SPEF2: variants seen among roughly 807,000 people sequenced by gnomAD.
The protein encoded by SPEF2 is sperm flagella and cilia-associated protein 2.
Under a neutral mutation model 224.6 loss-of-function variants are expected in SPEF2, and 187 were observed. The observed-to-expected ratio is 0.83, with a 90% CI of 0.74 to 0.94. SPEF2 has a LOEUF of 0.94. Ranked by LOEUF, SPEF2 falls within the 40% of genes least tolerant of loss-of-function variation. The probability of loss-of-function intolerance (pLI) is 0.00; values close to 1 mark genes in which losing one functional copy is unlikely to be tolerated. For missense variants in SPEF2, 2,170 were observed against 2,135.6 expected (o/e 1.02, Z -0.32); for synonymous variants, 715 against 707.3 (o/e 1.01, Z -0.17).
intron 21 of SPEF2, among the ~76,000 whole-genome samples, chr5:35,739,169 A>G (rs1747153427): frequency 6.6e-6 from 1 of 152,162 alleles, no homozygotes; most frequent in African/African-American, 2.4e-5. Context: ...TATTTTTCAT[A>G]AACTTTTTGA....
At chr5:35,625,890 G>A (rs1744170836) in intron 1 of SPEF2, among the ~76,000 whole-genome samples, 1 of 152,160 alleles carries the variant, frequency 6.6e-6, no homozygotes, top group Admixed American at 6.5e-5. Flanking sequence ...GGAACCCTTT[G>A]GATTTCAGTT....
intron 20 of SPEF2, 107 bp downstream of exon 20, chr5:35,712,993 A>G: frequency 2.0e-6 from 2 of 1,006,486 alleles, no homozygotes; most frequent in Admixed American, 2.5e-5. Flanking sequence ...CACTTCTCTC[A>G]GGCATTTGTA....
At chr5:35,798,895 C>A (rs1757041902) in intron 33 of SPEF2, among the ~76,000 whole-genome samples, 1 of 152,222 alleles carries the variant, frequency 6.6e-6, no homozygotes, top group Non-Finnish European at 1.5e-5. Context: ...CCACGCCTGG[C>A]CTCTCTCATT....
chr5:35,653,521 A>C (rs1748493135), intron 6 of SPEF2, among the ~76,000 whole-genome samples: 1 of 152,144 alleles, frequency 6.6e-6, no homozygotes, highest in African/African-American at 2.4e-5. Flanking sequence ...TGCTGTTGCG[A>C]GCTGTGCCTT....
intron 24 of SPEF2, 113 bp downstream of exon 24, chr5:35,753,874 G>T (rs1401270491): frequency 6.8e-6 from 9 of 1,315,762 alleles, no homozygotes; most frequent in Non-Finnish European, 9.5e-6. Context: ...GCTCATTTTG[G>T]TATAGCACTA....
At position 35,800,098 on chromosome 5, in the gene SPEF2, G is replaced by A. The variant is rs1757226182; in HGVS notation, c.4961G>A (p.Gly1654Glu). 6.2e-7 allele frequency: 1 copy of A among 1,614,072 alleles called. No homozygotes were observed. Among genetic ancestry groups the A allele is most frequent in the Non-Finnish European group, 8.5e-7 (1 of 1,180,010 alleles). The change falls in exon 34 of 37, where the codon GGA becomes GAA. Residue 1654 changes from glycine to glutamate, a missense_variant. Coordinates refer to ENST00000356031, the MANE Select transcript of SPEF2 (RefSeq NM_024867.4). ...GVYRALSVAV[G>E]THVFQQVKAS... is the part of the protein sequence containing the mutation. ...TACAGGGCCCTCAGTGTGGCTGTTG[G>A]AACTCATGTCTTCCAACAAGTCAAA... is the stretch of plus-strand genomic sequence containing the variant.
Position 35,806,796 on chromosome 5 carries a change from G to A in SPEF2, c.5100G>A (p.Thr1700=), listed in dbSNP as rs180821283. The A allele has an allele frequency of 2.4e-5, 39 of 1,613,844 alleles. No individual in the cohort carries two copies. Among genetic ancestry groups the A allele is most frequent in the Admixed American group, 1.0e-4 (6 of 59,970 alleles). Residue 1700 remains threonine, a synonymous_variant, in exon 35 of 37, where the codon ACG becomes ACA. Coordinates refer to ENST00000356031, the MANE Select transcript of SPEF2 (RefSeq NM_024867.4). ...AAGAAAGGAAATTAAAAGACGACAC[G>A]GAGAAAAGGGAACAGAAGGATGAAG... ...AREERKLKDD[T]EKREQKDEEI... is the part of the protein sequence containing the mutation.
chr5:35,651,743 C>G (rs999676383), intron 6 of SPEF2, among the ~76,000 whole-genome samples: 12 of 152,176 alleles, frequency 7.9e-5, no homozygotes, highest in African/African-American at 2.4e-4. Flanking sequence ...ACCTCAGGAG[C>G]ACTTTCTGCA....
intron 10 of SPEF2, chr5:35,671,023 A>C: frequency 1.0e-6 from 1 of 985,424 alleles, no homozygotes; most frequent in Non-Finnish European, 1.2e-6. Context: ...TGTAACAATC[A>C]TAGCTTTTGG....
intron 2 of SPEF2, among the ~76,000 whole-genome samples, chr5:35,640,698 A>G (rs567639717): frequency 7.9e-5 from 12 of 152,228 alleles, no homozygotes; most frequent in Admixed American, 4.6e-4. Context: ...TTGAAGTTTG[A>G]TTGATGCCGC....
At chr5:35,670,844 T>G in intron 10 of SPEF2, 1 of 983,758 alleles carries the variant, frequency 1.0e-6, no homozygotes, top group Non-Finnish European at 1.2e-6. Flanking sequence ...AGATTTCCAT[T>G]TTTCAATTAA....
intron 36 of SPEF2, chr5:35,807,960 C>A: frequency 2.9e-6 from 4 of 1,377,358 alleles, no homozygotes; most frequent in Non-Finnish European, 1.9e-6. Context: ...CACGAAGTCT[C>A]CCTGTTTGAC....
At chr5:35,741,081 AG>A (rs1747547897) in intron 23 of SPEF2, among the ~76,000 whole-genome samples, 2 of 152,352 alleles carry the variant, frequency 1.3e-5, no homozygotes, top group South Asian at 4.1e-4. Context: ...ACCATTAAAG[AG>A]GCTAGGGATT....
intron 5 of SPEF2, among the ~76,000 whole-genome samples, chr5:35,647,166 G>A: frequency 6.6e-6 from 1 of 152,126 alleles, no homozygotes. Flanking sequence ...ACCTGAGGCT[G>A]GGTAATTTTT....
intron 18 of SPEF2, among the ~76,000 whole-genome samples, chr5:35,707,996 GT>G (rs1740153300): frequency 6.6e-6 from 1 of 151,982 alleles, no homozygotes; most frequent in Non-Finnish European, 1.5e-5. Flanking sequence ...CATATTTATG[GT>G]TTGTTTCCTA....
At chr5:35,744,744 ACT>A (rs969309662) in intron 23 of SPEF2, among the ~76,000 whole-genome samples, 3 of 152,058 alleles carry the variant, frequency 2.0e-5, no homozygotes, top group African/African-American at 7.2e-5. Context: ...ACAGAGGGAG[ACT>A]CTGTCTAAAA....
At chr5:35,670,271 CT>C (rs1751060340) in intron 10 of SPEF2, 44 bp downstream of exon 10, 2 of 1,524,690 alleles carry the variant, frequency 1.3e-6, no homozygotes, top group Admixed American at 4.6e-5. Context: ...ATAATAAATC[CT>C]TTTTCTTTAA....
chr5:35,771,856 A>G, intron 27 of SPEF2, 100 bp downstream of exon 27: 1 of 1,376,450 alleles, frequency 7.3e-7, no homozygotes, highest in South Asian at 1.7e-5. Context: ...TAAGCCACTA[A>G]AATACTACTC....
At chr5:35,709,652 G>T in intron 19 of SPEF2, 1 of 897,586 alleles carries the variant, frequency 1.1e-6, no homozygotes, top group Non-Finnish European at 1.3e-6. Flanking sequence ...TATATTTATG[G>T]ACACAGAGAT....
Sources: gnomAD v4.1 joint callset for allele counts (sites outside exome capture counted in the v4.1 genomes callset) on GRCh38, gnomAD v4.1.1 for gene constraint, MANE v1.5 for transcripts, NCBI Gene and HGNC (gene_info 2026-07-23, HGNC 2026-07-21) for gene names.